Variants in LRP1 observed in about 807,000 individuals in gnomAD.
The protein encoded by LRP1 is prolow-density lipoprotein receptor-related protein 1.
LRP1 carries 51 observed loss-of-function variants against 541.5 expected under a neutral mutation model. That is an observed-to-expected ratio of 0.09 (90% CI 0.08 to 0.12). LRP1 has a LOEUF of 0.12. Among genes scored for constraint, LRP1 ranks in the 10% least tolerant of loss-of-function variants. The probability of loss-of-function intolerance (pLI) is 1.00; values close to 1 mark genes in which losing one functional copy is unlikely to be tolerated. For missense variants in LRP1, 3,878 were observed against 6,376.2 expected (o/e 0.61, Z 13.34); for synonymous variants, 2,219 against 2,470.8 (o/e 0.90, Z 3.02).
intron 76 of LRP1, among the ~76,000 whole-genome samples, chr12:57,207,359 G>A (rs2036806720): frequency 6.6e-6 from 1 of 151,174 alleles, no homozygotes; most frequent in Admixed American, 6.6e-5. Context: ...GATTAGCCAG[G>A]CGTGGTGGCG....
chr12:57,210,162 C>A lies in LRP1; in HGVS notation c.12573C>A (p.Pro4191=), dbSNP rs41292001. The change falls in exon 81 of 89, where the codon CCC becomes CCA. Residue 4191 remains proline, a synonymous_variant. Transcript: ENST00000243077. ...TCVPVPSPTP[P]PDAPRPGTCN... ...TGCCTGTGCCCTCTCCAACGCCCCC[C>A]CCAGATGGTATGCTTATGCCCTCCC... 750 of 1,598,462 alleles carry A rather than the reference C, an allele frequency of 4.7e-4. 1 individual carries two copies. The highest frequency in any genetic ancestry group is 6.3e-4 in the Non-Finnish European group (735 of 1,172,158).
At chr12:57,174,741 G>T (rs2036010253) in intron 22 of LRP1, among the ~76,000 whole-genome samples, 1 of 152,186 alleles carries the variant, frequency 6.6e-6, no homozygotes, top group Admixed American at 6.5e-5. Flanking sequence ...CTCCAGCCTG[G>T]GCGACAGAGC....
chr12:57,133,378 C>T (rs1254391570), intron 1 of LRP1, among the ~76,000 whole-genome samples: 12 of 151,984 alleles, frequency 7.9e-5, no homozygotes, highest in Non-Finnish European at 1.5e-4. Flanking sequence ...AGAATGGAAG[C>T]GGAGACCCTT....
Position 57,204,547 on chromosome 12 carries a change from G to T in LRP1, c.11071+18G>T. The T allele has an allele frequency of 6.2e-7, 1 of 1,606,244 alleles. No homozygotes were observed. Among genetic ancestry groups the T allele is most frequent in the East Asian group, 2.2e-5 (1 of 44,682 alleles). On this transcript the variant is annotated intron_variant, in intron 71 of 88. Coordinates refer to ENST00000243077, the MANE Select transcript of LRP1 (RefSeq NM_002332.3). This position sits in a 1 kb window ranked among gnomAD's most constrained non-coding sequence, Gnocchi z 5.3. ...GGAGTGTGGTGAGATTTGGGGCGGGGCTCCCAGGCTTCCCAGTGGCCAGCA... is the reference window on the plus strand; with the variant it reads ...GGAGTGTGGTGAGATTTGGGGCGGGTCTCCCAGGCTTCCCAGTGGCCAGCA...
At chr12:57,160,300 C>T (rs2035701969) in intron 12 of LRP1, among the ~76,000 whole-genome samples, 1 of 152,166 alleles carries the variant, frequency 6.6e-6, no homozygotes, top group African/African-American at 2.4e-5. Context: ...CAGTGTCTGC[C>T]TGGCCCTTGT....
At position 57,202,543 on chromosome 12, in the gene LRP1, T is replaced by TGGGGCG; in HGVS notation, c.10711+6_10711+7insGGGGCG. 7 of 1,523,600 alleles carry TGGGGCG rather than the reference T, an allele frequency of 4.6e-6. No homozygotes were observed. Among genetic ancestry groups the TGGGGCG allele is most frequent in the Non-Finnish European group, 6.2e-6 (7 of 1,124,780 alleles). 94.4% of individuals were successfully genotyped at this position (1,523,600 alleles called of 1,614,324 possible). On this transcript the variant is annotated splice_region_variant and intron_variant, in intron 68 of 88. Coordinates refer to ENST00000243077, the MANE Select transcript of LRP1 (RefSeq NM_002332.3). ...CTCCGATGAAGAGAGCTGCAGTACG[T>TGGGGCG]CCCCACCCACCCAGCCCCGCATGAG...
rs767432524 is a variant in LRP1 at position 57,180,695 on chromosome 12, G to A, written c.5415G>A (p.Val1805=). The A allele has an allele frequency of 6.2e-7, 1 of 1,614,076 alleles. No homozygotes were observed. Among genetic ancestry groups the A allele is most frequent in the South Asian group, 1.1e-5 (1 of 91,092 alleles). The change falls in exon 33 of 89, where the codon GTG becomes GTA. Residue 1805 remains valine, a synonymous_variant. Transcript: ENST00000243077. The part of the protein sequence containing the change: ...MGDKLWWADQ[V]SEKMGTCSKA... Reference sequence around the variant, plus strand: ...ACAAGCTGTGGTGGGCTGATCAGGTGTCGGAAAAGATGGGCACATGCAGCA... The same window carrying A: ...ACAAGCTGTGGTGGGCTGATCAGGTATCGGAAAAGATGGGCACATGCAGCA...
rs908322398 is a variant in LRP1 at position 57,173,534 on chromosome 12, C to T, written c.3346+184C>T. 2.0e-5 allele frequency among the ~76,000 whole-genome samples: 3 copies of T among 152,154 alleles called. No individual in the cohort carries two copies. The highest frequency in any genetic ancestry group is 7.2e-5 in the African/African-American group (3 of 41,432). The stretch of plus-strand genomic sequence containing the variant: ...CATGGGTGGGGGAAGGCATGAAGGG[C>T]CAGAGCCTGCACAGAGGACCTGAGA... On this transcript the variant is annotated intron_variant, in intron 21 of 88. Transcript: ENST00000243077. The surrounding 1 kb of genome is among the most constrained non-coding windows in gnomAD (Gnocchi z 4.7).
chr12:57,211,797 G>T lies in LRP1; in HGVS notation c.13241G>T (p.Ser4414Ile). The change falls in exon 86 of 89, where the codon AGC (serine) becomes ATC (isoleucine). Residue 4414 changes from serine to isoleucine, a missense_variant. Physicochemically the swap from Ser to Ile is moderately radical, Grantham distance 142. This residue lies in a region of LRP1 where 871 missense variants were observed against 1,212.4 expected (regional missense o/e 0.72). Coordinates refer to ENST00000243077, the MANE Select transcript of LRP1 (RefSeq NM_002332.3). This position sits in a 1 kb window ranked among gnomAD's most constrained non-coding sequence, Gnocchi z 4.3. ...CCCCGGTGTGAGGAGCACGTCTTCAGCCAGCAGCAGCCAGGACGTAGGTGG... is the reference window on the plus strand; with the variant it reads ...CCCCGGTGTGAGGAGCACGTCTTCATCCAGCAGCAGCCAGGACGTAGGTGG... ...TGPRCEEHVF[S>I]QQQPGHIASI... The T allele has an allele frequency of 1.9e-6, 3 of 1,612,614 alleles. No homozygotes were observed. Among genetic ancestry groups the T allele is most frequent in the Admixed American group, 1.7e-5 (1 of 59,978 alleles).
chr12:57,211,216 G>A lies in LRP1; in HGVS notation c.12957G>A (p.Gln4319=). ...SGYCENFGTC[Q]MAADGSRQCR... ...ACTGTGAGAACTTTGGCACATGCCA[G>A]ATGGCTGCTGATGGCTCCCGACAAT... Residue 4319 remains glutamine (Q), a synonymous_variant, in exon 84 of 89, where the codon CAG becomes CAA. Transcript: ENST00000243077. The surrounding 1 kb of genome is among the most constrained non-coding windows in gnomAD (Gnocchi z 4.3). The A allele has an allele frequency of 6.2e-7, 1 of 1,614,236 alleles. No individual in the cohort carries two copies. The highest frequency in any genetic ancestry group is 1.3e-5 in the African/African-American group (1 of 75,070).
At chr12:57,167,579 C>T in intron 19 of LRP1, 55 bp downstream of exon 19, 1 of 1,454,036 alleles carries the variant, frequency 6.9e-7, no homozygotes, top group Admixed American at 1.7e-5. Context: ...AGGCTACAGC[C>T]AGGCCCTCCA....
In LRP1 at chr12:57,179,552, T is replaced by C. The variant is rs2036119544; in HGVS notation, c.4962T>C (p.Ser1654=). 1.2e-6 allele frequency: 2 copies of C among 1,613,634 alleles called. No individual in the cohort carries two copies. Among genetic ancestry groups the C allele is most frequent in the Non-Finnish European group, 1.7e-6 (2 of 1,179,708 alleles). The change falls in exon 29 of 89, where the codon TCT becomes TCC. Residue 1654 remains serine, a synonymous_variant. Transcript: ENST00000243077. This position sits in a 1 kb window ranked among gnomAD's most constrained non-coding sequence, Gnocchi z 6.8. The part of the protein sequence containing the change: ...INGTGVETVV[S]ADLPNAHGLA... ...GCACAGGCGTGGAGACAGTCGTCTCTGCAGGTTCTTCCTGGCCCTGGATGC... is the reference window on the plus strand; with the variant it reads ...GCACAGGCGTGGAGACAGTCGTCTCCGCAGGTTCTTCCTGGCCCTGGATGC...
In LRP1 at chr12:57,199,314, C is replaced by T. The variant is rs2036599828; in HGVS notation, c.9779C>T (p.Thr3260Ile). ...ETKSINRAHKTTGTNKTLLIS... is the reference protein window; with the variant it reads ...ETKSINRAHKITGTNKTLLIS... Reference sequence around the variant, plus strand: ...AAGTCCATTAACCGAGCCCACAAGACCACGGGCACCAACAAAACGCTCCTC... The same window carrying T: ...AAGTCCATTAACCGAGCCCACAAGATCACGGGCACCAACAAAACGCTCCTC... The change falls in exon 61 of 89, where the codon ACC becomes ATC. Residue 3260 changes from threonine (T) to isoleucine (I), a missense_variant. Physicochemically the swap from Thr to Ile is moderately conservative, Grantham distance 89. Coordinates refer to ENST00000243077, the MANE Select transcript of LRP1 (RefSeq NM_002332.3). The T allele has an allele frequency of 6.2e-7, 1 of 1,613,682 alleles. No individual in the cohort carries two copies. The highest frequency in any genetic ancestry group is 1.3e-5 in the African/African-American group (1 of 74,932).
At position 57,177,345 on chromosome 12, in the gene LRP1, C is replaced by T; in HGVS notation, c.4197-82C>T. On this transcript the variant is annotated intron_variant, in intron 25 of 88. Coordinates refer to ENST00000243077, the MANE Select transcript of LRP1 (RefSeq NM_002332.3). The surrounding 1 kb of genome is among the most constrained non-coding windows in gnomAD (Gnocchi z 6.8). ...TACTCCTCAGTGCCATCTGCCTCCT[C>T]CCACCCTCTACCTACGATCCCACCA... 1.3e-6 allele frequency: 2 copies of T among 1,560,650 alleles called. No individual in the cohort carries two copies. The highest frequency in any genetic ancestry group is 1.7e-6 in the Non-Finnish European group (2 of 1,144,028).
At chr12:57,148,926 G>A in intron 6 of LRP1, 1 of 568,536 alleles carries the variant, frequency 1.8e-6, no homozygotes, top group Admixed American at 3.0e-5. Flanking sequence ...AGGTCCAGCT[G>A]GCCAACTTCA....
In LRP1 at chr12:57,128,970, G is replaced by C; in HGVS notation, c.6G>C (p.Leu2=). Residue 2 remains leucine, a synonymous_variant, in exon 1 of 89, where the codon CTG becomes CTC. Transcript: ENST00000243077. M[L]TPPLLLLLPL... is the part of the protein sequence containing the mutation. ...TGCTTGCATCAGCCCACACCATGCT[G>C]ACCCCGCCGTTGCTCCTGCTGCTGC... The C allele has an allele frequency of 6.4e-7, 1 of 1,550,954 alleles. No homozygotes were observed.
chr12:57,193,351 G>A, intron 46 of LRP1, 47 bp downstream of exon 46: 1 of 1,600,810 alleles, frequency 6.2e-7, no homozygotes, highest in African/African-American at 1.3e-5. Flanking sequence ...CCAGAGCCCA[G>A]GTCCTCCTCC....
chr12:57,145,846 A>G (rs2035394600), intron 6 of LRP1, among the ~76,000 whole-genome samples: 1 of 152,050 alleles, frequency 6.6e-6, no homozygotes. Context: ...GGAAAGAAGG[A>G]GCGGAAGCCT....
At chr12:57,198,918 C>A (rs1276486019) in intron 60 of LRP1, among the ~76,000 whole-genome samples, 1 of 152,192 alleles carries the variant, frequency 6.6e-6, no homozygotes, top group Non-Finnish European at 1.5e-5. Context: ...GGAGGACTGG[C>A]CCCAAGGAGG....
Sources: gnomAD v4.1 joint callset for allele counts (sites outside exome capture counted in the v4.1 genomes callset) on GRCh38, gnomAD v4.1.1 for gene constraint, gnomAD v4.1.1 regional missense constraint, Gnocchi (gnomAD v3.1) non-coding constraint, MANE v1.5 for transcripts, NCBI Gene and HGNC (gene_info 2026-07-23, HGNC 2026-07-21) for gene names.